The following CDIN1 variants were observed in gnomAD, a reference collection of about 807,000 sequenced individuals.
The protein encoded by CDIN1 is CDAN1-interacting nuclease 1.
In CDIN1, 33 loss-of-function variants were observed where a neutral mutation model predicts 45.3. The observed-to-expected ratio is 0.73, with a 90% CI of 0.55 to 0.97. The LOEUF (loss-of-function observed/expected upper bound fraction) is 0.97. Among genes scored for constraint, CDIN1 ranks in the 50% least tolerant of loss-of-function variants. The probability of loss-of-function intolerance (pLI) is 0.00; values close to 1 mark genes in which losing one functional copy is unlikely to be tolerated. For missense variants in CDIN1, 303 were observed against 339.4 expected, an observed-to-expected ratio of 0.89 and a Z score of 0.84; for synonymous variants, 118 against 124.4, an observed-to-expected ratio of 0.95 and a Z score of 0.34.
At chr15:36,600,570 T>C (rs2038047274) in intron 1 of CDIN1, among the ~76,000 whole-genome samples, 2 of 152,336 alleles carry the variant, frequency 1.3e-5, no homozygotes, top group African/African-American at 2.4e-5. Context: ...GTCATTGATA[T>C]GGTGATTAGG....
chr15:36,789,047 T>C (rs1001218530), intron 10 of CDIN1, among the ~76,000 whole-genome samples: 3 of 152,246 alleles, frequency 2.0e-5, no homozygotes, highest in Non-Finnish European at 4.4e-5. Context: ...TAATAATAGC[T>C]GATGAGCTTT....
At chr15:36,745,048 T>C (rs1344563774) in intron 10 of CDIN1, among the ~76,000 whole-genome samples, 1 of 152,188 alleles carries the variant, frequency 6.6e-6, no homozygotes, top group Non-Finnish European at 1.5e-5. Flanking sequence ...AGTATATGTA[T>C]GAGCAGATTA....
chr15:36,699,341 A>G (rs1229201558), intron 8 of CDIN1, among the ~76,000 whole-genome samples: 2 of 152,216 alleles, frequency 1.3e-5, no homozygotes, highest in African/African-American at 4.8e-5. Context: ...TTAGATTTAA[A>G]GTGTTGTGAC....
At chr15:36,638,741 G>A (rs573323624) in intron 1 of CDIN1, among the ~76,000 whole-genome samples, 4 of 152,270 alleles carry the variant, frequency 2.6e-5, no homozygotes, top group Non-Finnish European at 5.9e-5. Flanking sequence ...TAAAGCCATG[G>A]AATTTGGTCA....
At chr15:36,792,190 G>A (rs1032058152) in intron 10 of CDIN1, among the ~76,000 whole-genome samples, 11 of 152,076 alleles carry the variant, frequency 7.2e-5, no homozygotes, top group African/African-American at 2.4e-4. Flanking sequence ...AAATCAAACC[G>A]CAGCCCCAGC....
At chr15:36,722,893 A>G (rs1240740502) in intron 10 of CDIN1, among the ~76,000 whole-genome samples, 5 of 152,092 alleles carry the variant, frequency 3.3e-5, no homozygotes, top group Non-Finnish European at 7.4e-5. Flanking sequence ...TCAAATTCTT[A>G]TAAAAATTAA....
chr15:36,756,872 C>T lies in CDIN1; in HGVS notation c.716+46911C>T, dbSNP rs189797829. ...GTAATAAGGACAATAGGGGCCCTGG[C>T]TAATTTGACATGGACAGCCTTCACA... On this transcript the variant is annotated intron_variant, in intron 10 of 10. Transcript: ENST00000566621. Among the ~76,000 whole-genome samples, 327 of 152,224 alleles carry T rather than the reference C, an allele frequency of 2.1e-3. 1 individual carries two copies. The highest frequency in any genetic ancestry group is 3.9e-3 in the Non-Finnish European group (264 of 68,006).
intron 5 of CDIN1, among the ~76,000 whole-genome samples, 168 bp downstream of exon 5, chr15:36,658,073 C>T (rs1566873926): frequency 6.6e-6 from 1 of 152,194 alleles, no homozygotes; most frequent in East Asian, 1.9e-4. Flanking sequence ...AACTTAAATA[C>T]TCTTCAGAAT....
At chr15:36,701,403 G>T (rs996728639) in intron 8 of CDIN1, among the ~76,000 whole-genome samples, 2 of 151,996 alleles carry the variant, frequency 1.3e-5, no homozygotes, top group African/African-American at 4.8e-5. Context: ...ATTTTGCTGT[G>T]TTTTTTTGTG....
At chr15:36,703,304 GATCTATC>G (rs2042721506) in intron 8 of CDIN1, among the ~76,000 whole-genome samples, 1 of 122,726 alleles carries the variant, frequency 8.1e-6, no homozygotes, top group African/African-American at 3.4e-5. Context: ...ATATCAGATA[GATCTATC>G]AGATATATAC....
At chr15:36,757,613 C>T (rs1036361995) in intron 10 of CDIN1, among the ~76,000 whole-genome samples, 1 of 152,168 alleles carries the variant, frequency 6.6e-6, no homozygotes, top group Non-Finnish European at 1.5e-5. Flanking sequence ...ATCCTGCCCA[C>T]TCATGAGTCA....
intron 10 of CDIN1, among the ~76,000 whole-genome samples, chr15:36,746,572 T>C (rs2044442380): frequency 6.6e-6 from 1 of 152,012 alleles, no homozygotes; most frequent in Non-Finnish European, 1.5e-5. Context: ...CTATGTTCTC[T>C]GTTTTAATGC....
intron 10 of CDIN1, among the ~76,000 whole-genome samples, chr15:36,800,879 ATGTGTGTGTGTGTGTG>A (rs1163549097): frequency 1.2e-5 from 1 of 82,530 alleles, no homozygotes; most frequent in African/African-American, 4.1e-5. Flanking sequence ...GTGTGTATAT[ATGTGTGTGTGTGTGTG>A]TGTGTGTGTG....
At chr15:36,708,264 A>G (rs1012103261) in intron 8 of CDIN1, 4 of 152,110 alleles carry the variant, frequency 2.6e-5, no homozygotes, top group Admixed American at 2.0e-4. Context: ...TCAACAGCCC[A>G]GTAGGTGTTA....
intron 1 of CDIN1, among the ~76,000 whole-genome samples, chr15:36,594,240 A>G (rs1378796263): frequency 4.6e-5 from 7 of 152,230 alleles, no homozygotes; most frequent in African/African-American, 1.7e-4. Context: ...GAATAAAAGT[A>G]TTAAAACAGG....
chr15:36,654,230 A>G, intron 4 of CDIN1, 72 bp downstream of exon 4: 1 of 1,246,304 alleles, frequency 8.0e-7, no homozygotes, highest in Non-Finnish European at 1.1e-6. Context: ...AACTTTGCTT[A>G]CAATTATAAC....
intron 10 of CDIN1, among the ~76,000 whole-genome samples, chr15:36,764,257 A>G (rs150499733): frequency 2.5e-5 from 3 of 119,010 alleles, no homozygotes; most frequent in Non-Finnish European, 5.0e-5. Context: ...CTGCTGTGTT[A>G]TAAATGCATA....
intron 1 of CDIN1, chr15:36,618,599 ATGT>A: frequency 4.8e-6 from 4 of 836,308 alleles, no homozygotes; most frequent in Non-Finnish European, 8.5e-6. Flanking sequence ...AGGATGTCTG[ATGT>A]TGTTAAAGGT....
In CDIN1 at chr15:36,770,443, T is replaced by TGA. The variant is rs1471286848; in HGVS notation, c.717-37881_717-37880insGA. On this transcript the variant is annotated intron_variant, in intron 10 of 10. Coordinates refer to ENST00000566621, the MANE Select transcript of CDIN1 (RefSeq NM_001321759.2). ...AATCTCTTTCTGATGATGATGATGA[T>TGA]TATTATTATTATTATTATTATTGGA... 5.3e-3 allele frequency among the ~76,000 whole-genome samples: 786 copies of TGA among 148,994 alleles called. 4 individuals carry two copies. The highest frequency in any genetic ancestry group is 0.019 in the African/African-American group (744 of 38,982).
Sources: gnomAD v4.1 joint callset for allele counts (sites outside exome capture counted in the v4.1 genomes callset) on GRCh38, gnomAD v4.1.1 for gene constraint, MANE v1.5 for transcripts, NCBI Gene and HGNC (gene_info 2026-07-23, HGNC 2026-07-21) for gene names.